The following TMCO1 variants were observed in gnomAD, a reference collection of about 807,000 sequenced individuals.
TMCO1 encodes transmembrane and coiled-coil domains 1.
A neutral mutation model predicts 29.3 loss-of-function variants in TMCO1; 29 were observed. That is an observed-to-expected ratio of 0.99 (90% CI 0.74 to 1.35). The LOEUF is 1.35. TMCO1 is among the 40% of genes most tolerant of loss of function. The pLI is 0.00. For synonymous variants in TMCO1, 80 were observed against 77.1 expected (o/e 1.04, Z -0.20); for missense variants, 173 against 225.5 (o/e 0.77, Z 1.49).
downstream of TMCO1, chr1:165,724,780 T>G (rs191698245): frequency 1.1e-4 from 50 of 453,916 alleles, no homozygotes; most frequent in African/African-American, 8.8e-4. Context: ...ATTAAGGAAT[T>G]GTCCATTTTC....
chr1:165,768,367 G>A (rs1652653840), intron 1 of TMCO1, 98 bp from the exon 2 acceptor site: 4 of 1,499,348 alleles, frequency 2.7e-6, no homozygotes, highest in Non-Finnish European at 3.7e-6. Flanking sequence ...CCAACTTTTC[G>A]CTTTGTATTT....
In TMCO1 at chr1:165,727,451, C is replaced by A; in HGVS notation, c.*572G>T. Reference sequence around the variant, plus strand: ...TCAAGTATGGCAAAAAGTACAGTACCTTAAAAACTTTTATTTTAGTCCTTC... The same window carrying A: ...TCAAGTATGGCAAAAAGTACAGTACATTAAAAACTTTTATTTTAGTCCTTC... On this transcript the variant is annotated 3_prime_UTR_variant, in exon 7 of 7. Coordinates refer to ENST00000367881, the MANE Select transcript of TMCO1 (RefSeq NM_019026.6). The A allele has an allele frequency of 4.4e-6, 2 of 453,754 alleles. No individual in the cohort carries two copies. Among genetic ancestry groups the A allele is most frequent in the Non-Finnish European group, 8.8e-6 (2 of 226,718 alleles). 28.1% of individuals were successfully genotyped at this position (453,754 alleles called of 1,614,324 possible). A position where few individuals can be genotyped will look rare whatever the true frequency, so the allele number is the denominator to read the frequency against.
intron 2 of TMCO1, among the ~76,000 whole-genome samples, chr1:165,762,805 A>G (rs1466199952): frequency 6.6e-6 from 1 of 152,224 alleles, no homozygotes; most frequent in Non-Finnish European, 1.5e-5. Context: ...CATACTTCAC[A>G]GCAATTTATA....
intron 6 of TMCO1, among the ~76,000 whole-genome samples, chr1:165,733,833 T>C (rs544695146): frequency 1.1e-4 from 16 of 152,224 alleles, no homozygotes; most frequent in Non-Finnish European, 1.5e-4. Flanking sequence ...CCCATAATTG[T>C]GTCTTCTACT....
intron 2 of TMCO1, among the ~76,000 whole-genome samples, chr1:165,760,432 C>A (rs1306270297): frequency 2.4e-4 from 32 of 133,558 alleles, no homozygotes; most frequent in African/African-American, 2.7e-4. Context: ...CTCTGTTTCT[C>A]AAAAAAAAAA....
intron 3 of TMCO1, chr1:165,754,765 GAGA>G (rs1347287447): frequency 3.1e-5 from 5 of 161,216 alleles, no homozygotes; most frequent in African/African-American, 1.2e-4. Context: ...AGGCTGAGGT[GAGA>G]AGATCACTTG....
At chr1:165,736,651 T>C (rs539339187) in intron 6 of TMCO1, among the ~76,000 whole-genome samples, 1 of 146,518 alleles carries the variant, frequency 6.8e-6, no homozygotes, top group East Asian at 2.0e-4. Context: ...AACTGGGAGA[T>C]GGAGGTTGCA....
At position 165,754,265 on chromosome 1, in the gene TMCO1, TC is replaced by T; in HGVS notation, c.217del (p.Glu73LysfsTer4). The T allele has an allele frequency of 6.2e-7, 1 of 1,610,928 alleles. No individual in the cohort carries two copies. The highest frequency in any genetic ancestry group is 1.1e-5 in the South Asian group (1 of 91,008). ...TCTGTTGTTATTCTTCAGTTTCTCT[TC>T]TTGTCTCTCTGCAAAGAATTAATGA... ...RQQKKKIERQ[E>X]EKLKNNNRDL... On this transcript the variant is annotated frameshift_variant, in exon 4 of 7. Transcript: ENST00000367881. LOFTEE classifies it high-confidence loss of function.
intron 3 of TMCO1, among the ~76,000 whole-genome samples, chr1:165,758,153 C>T (rs1011170128): frequency 1.3e-5 from 2 of 152,160 alleles, no homozygotes; most frequent in African/African-American, 4.8e-5. Flanking sequence ...TCAGGCCCTT[C>T]CTCCTCCCTG....
chr1:165,755,534 G>T (rs1046743200), intron 3 of TMCO1, among the ~76,000 whole-genome samples: 1 of 152,072 alleles, frequency 6.6e-6, no homozygotes, highest in African/African-American at 2.4e-5. Flanking sequence ...AGCCAGGCAT[G>T]GTGGTATATG....
chr1:165,749,231 T>C lies in TMCO1; in HGVS notation c.323+2871A>G, dbSNP rs544761206. ...TTTATTCTATATAAGTGTTTGAATT[T>C]TTTAGAAATAAGTTTTATATATTAC... On this transcript the variant is annotated intron_variant, in intron 5 of 6. Coordinates refer to ENST00000367881, the MANE Select transcript of TMCO1 (RefSeq NM_019026.6). Among the ~76,000 whole-genome samples the C allele has an allele frequency of 5.9e-5, 9 of 152,328 alleles. No individual in the cohort carries two copies. In the South Asian group the frequency reaches 1.9e-3, roughly 32 times the overall value.
intron 6 of TMCO1, among the ~76,000 whole-genome samples, chr1:165,741,858 G>A (rs1474700340): frequency 1.3e-5 from 2 of 152,204 alleles, no homozygotes; most frequent in Non-Finnish European, 2.9e-5. Flanking sequence ...CTCTTGCCAT[G>A]TGACATGCCT....
At chr1:165,725,161 A>G (rs1650821876), downstream of TMCO1, 1 of 437,068 alleles carries the variant, frequency 2.3e-6, no homozygotes, top group Non-Finnish European at 4.5e-6. Context: ...AATCTAAAAA[A>G]AGAGAAAGTA....
At chr1:165,764,801 T>A (rs1436376501) in intron 2 of TMCO1, among the ~76,000 whole-genome samples, 2 of 152,154 alleles carry the variant, frequency 1.3e-5, no homozygotes, top group African/African-American at 4.8e-5. Context: ...TAATCAGATT[T>A]GTGTTTTAAA....
chr1:165,744,377 G>C (rs887292291), intron 5 of TMCO1, among the ~76,000 whole-genome samples: 1 of 152,174 alleles, frequency 6.6e-6, no homozygotes, highest in Non-Finnish European at 1.5e-5. Context: ...AAAAGTACTA[G>C]TTATCTCAGA....
intron 6 of TMCO1, among the ~76,000 whole-genome samples, chr1:165,731,537 A>G (rs1443045182): frequency 1.3e-5 from 2 of 152,246 alleles, no homozygotes; most frequent in African/African-American, 4.8e-5. Flanking sequence ...TTTAGAGATT[A>G]AAAACCAATG....
intron 2 of TMCO1, among the ~76,000 whole-genome samples, chr1:165,760,527 G>T (rs1364002344): frequency 1.3e-5 from 2 of 152,228 alleles, no homozygotes; most frequent in Middle Eastern, 6.8e-3. Flanking sequence ...TAGTGGGCCG[G>T]GTGCAGCGGC....
intron 2 of TMCO1, among the ~76,000 whole-genome samples, chr1:165,767,747 G>A (rs1558044955): frequency 1.3e-5 from 2 of 151,808 alleles, no homozygotes; most frequent in African/African-American, 2.4e-5. Flanking sequence ...TGACACCATC[G>A]TGGCCCACTG....
At position 165,765,571 on chromosome 1, in the gene TMCO1, C is replaced by T. The variant is rs551185181; in HGVS notation, c.148+2621G>A. Among the ~76,000 whole-genome samples, 11 of 152,296 alleles carry T rather than the reference C, an allele frequency of 7.2e-5. 1 individual carries two copies. The highest frequency in any genetic ancestry group is 3.9e-4 in the Admixed American group (6 of 15,294). ...TGCTGGGATTACAGGCCTGAGCCAC[C>T]GCGCCCTGCCTTGCAGTTTTAAATA... On this transcript the variant is annotated intron_variant, in intron 2 of 6. Transcript: ENST00000367881.
Sources: allele counts gnomAD v4.1 joint callset (sites outside exome capture counted in the v4.1 genomes callset), GRCh38; gene constraint gnomAD v4.1.1; transcripts MANE v1.5; gene names NCBI Gene and HGNC (gene_info 2026-07-23, HGNC 2026-07-21).